Variants in GOLM2 observed in about 807,000 individuals in gnomAD.
The protein encoded by GOLM2 is protein GOLM2.
A neutral mutation model predicts 55.9 loss-of-function variants in GOLM2; 26 were observed. The ratio of observed to expected loss-of-function variants is 0.47; its 90% confidence interval spans 0.34 to 0.65. The LOEUF (loss-of-function observed/expected upper bound fraction) is 0.65, where lower values mean the gene tolerates loss of function less well. Among genes scored for constraint, GOLM2 ranks in the 30% least tolerant of loss-of-function variants. The pLI is 0.01. For missense variants in GOLM2, 486 were observed against 531.8 expected (o/e 0.91, Z 0.85); for synonymous variants, 165 against 194.6 (o/e 0.85, Z 1.27).
chr15:44,328,468 AC>A (rs2078999379), intron 2 of GOLM2, among the ~76,000 whole-genome samples: 1 of 152,214 alleles, frequency 6.6e-6, no homozygotes, highest in South Asian at 2.1e-4. Context: ...ACAGAGCAAG[AC>A]CCTATCTCAA....
At chr15:44,291,432 A>G (rs988454254) in intron 1 of GOLM2, among the ~76,000 whole-genome samples, 2 of 152,178 alleles carry the variant, frequency 1.3e-5, no homozygotes, top group Non-Finnish European at 2.9e-5. Flanking sequence ...CAAATTATTG[A>G]TGGTCTACAA....
intron 6 of GOLM2, among the ~76,000 whole-genome samples, chr15:44,339,216 A>G (rs903349716): frequency 6.6e-6 from 1 of 152,214 alleles, no homozygotes; most frequent in African/African-American, 2.4e-5. Flanking sequence ...TTTCCAATTC[A>G]TAGTGATTTC....
intron 6 of GOLM2, among the ~76,000 whole-genome samples, chr15:44,368,484 TTC>T (rs1450466556): frequency 3.9e-5 from 6 of 151,938 alleles, no homozygotes; most frequent in African/African-American, 1.4e-4. Flanking sequence ...GTAATACCTT[TTC>T]TCCTTCAGTT....
chr15:44,312,746 G>A (rs1225613760), intron 1 of GOLM2, among the ~76,000 whole-genome samples: 3 of 151,984 alleles, frequency 2.0e-5, no homozygotes, highest in Admixed American at 6.6e-5. Flanking sequence ...AGGAGTTCGA[G>A]ACCAGCCTGG....
At chr15:44,373,285 G>A (rs1386647038) in intron 6 of GOLM2, among the ~76,000 whole-genome samples, 1 of 151,750 alleles carries the variant, frequency 6.6e-6, no homozygotes, top group Non-Finnish European at 1.5e-5. Flanking sequence ...GTGAAACCCC[G>A]TCTCTACTAA....
intron 6 of GOLM2, among the ~76,000 whole-genome samples, chr15:44,356,504 A>T (rs2079199176): frequency 6.6e-6 from 1 of 152,208 alleles, no homozygotes; most frequent in Non-Finnish European, 1.5e-5. Context: ...TCCTTGATAG[A>T]CACAGTCTGC....
rs2079574775 is a variant in GOLM2 at position 44,402,906 on chromosome 15, T to G, written c.1092T>G (p.Asn364Lys). The G allele has an allele frequency of 6.2e-7, 1 of 1,613,876 alleles. No homozygotes were observed. The highest frequency in any genetic ancestry group is 1.3e-5 in the African/African-American group (1 of 74,884). Residue 364 changes from asparagine to lysine, a missense_variant, in exon 9 of 10, where the codon AAT becomes AAG. By Grantham distance (94) the Asn-to-Lys change is moderately conservative. Coordinates refer to ENST00000299957, the MANE Select transcript of GOLM2 (RefSeq NM_138423.4). Reference protein sequence around the residue: ...KLKQSRFFDENESPVDPQHGS... With the variant: ...KLKQSRFFDEKESPVDPQHGS... ...TCACAGGCCGATTCTTTGATGAAAA[T>G]GAATCCCCTGTTGATCCGCAGCATG...
intron 6 of GOLM2, among the ~76,000 whole-genome samples, chr15:44,339,641 T>A (rs908778098): frequency 1.3e-5 from 2 of 151,844 alleles, no homozygotes; most frequent in African/African-American, 4.8e-5. Context: ...CCCGGCCTCT[T>A]TTTAAAATTT....
chr15:44,299,985 A>T (rs1290546788), intron 1 of GOLM2, among the ~76,000 whole-genome samples: 3 of 150,274 alleles, frequency 2.0e-5, no homozygotes, highest in African/African-American at 7.3e-5. Flanking sequence ...CCATAGTCTT[A>T]ATTGCTTGGG....
At chr15:44,319,269 A>G (rs1369617335) in intron 1 of GOLM2, among the ~76,000 whole-genome samples, 2 of 152,154 alleles carry the variant, frequency 1.3e-5, no homozygotes, top group Admixed American at 6.6e-5. Flanking sequence ...ACTGAAGTGC[A>G]GTGGCTTGAT....
At chr15:44,298,240 A>C (rs2078771572) in intron 1 of GOLM2, among the ~76,000 whole-genome samples, 1 of 151,040 alleles carries the variant, frequency 6.6e-6, no homozygotes, top group Non-Finnish European at 1.5e-5. Context: ...CTGACCTGGA[A>C]TATGCTTTTC....
chr15:44,362,553 A>C (rs1216969309), intron 6 of GOLM2, among the ~76,000 whole-genome samples: 3 of 152,150 alleles, frequency 2.0e-5, no homozygotes, highest in African/African-American at 4.8e-5. Flanking sequence ...GGATACAAAG[A>C]AATGGAAGAA....
At chr15:44,366,170 G>A (rs1201439697) in intron 6 of GOLM2, among the ~76,000 whole-genome samples, 3 of 151,862 alleles carry the variant, frequency 2.0e-5, no homozygotes, top group Non-Finnish European at 2.9e-5. Context: ...GGTGGCGGGC[G>A]CCTGTAGTCC....
At chr15:44,296,549 A>G (rs2078758044) in intron 1 of GOLM2, among the ~76,000 whole-genome samples, 1 of 152,238 alleles carries the variant, frequency 6.6e-6, no homozygotes, top group African/African-American at 2.4e-5. Flanking sequence ...TTTGGAATAT[A>G]ATAGTAGTCT....
Position 44,410,040 on chromosome 15 carries a change from T to C in GOLM2, c.1241-3296T>C, listed in dbSNP as rs139052470. Among the ~76,000 whole-genome samples the C allele has an allele frequency of 1.9e-3, 295 of 152,304 alleles. 1 individual carries two copies. Among genetic ancestry groups the C allele is most frequent in the African/African-American group, 6.7e-3 (280 of 41,572 alleles). On this transcript the variant is annotated intron_variant, in intron 9 of 9. Coordinates refer to ENST00000299957, the MANE Select transcript of GOLM2 (RefSeq NM_138423.4). Reference sequence around the variant, plus strand: ...AAGTCTTATCTTAATTTAATCATTATATTAAAGTCCTAAAAGATGTGTTTA... The same window carrying C: ...AAGTCTTATCTTAATTTAATCATTACATTAAAGTCCTAAAAGATGTGTTTA...
chr15:44,370,088 G>C (rs1255262271), intron 6 of GOLM2, among the ~76,000 whole-genome samples: 1 of 152,082 alleles, frequency 6.6e-6, no homozygotes, highest in Non-Finnish European at 1.5e-5. Flanking sequence ...TCGTTTTTCT[G>C]CCTGTTTTAT....
At chr15:44,301,371 T>C (rs2078796178) in intron 1 of GOLM2, among the ~76,000 whole-genome samples, 1 of 152,252 alleles carries the variant, frequency 6.6e-6, no homozygotes, top group Non-Finnish European at 1.5e-5. Flanking sequence ...TCCTATCATT[T>C]TCCCACTCAA....
intron 6 of GOLM2, among the ~76,000 whole-genome samples, chr15:44,350,861 TGAA>T (rs2079156976): frequency 6.6e-6 from 1 of 152,184 alleles, no homozygotes; most frequent in Admixed American, 6.5e-5. Flanking sequence ...ATCAACAGAA[TGAA>T]GGACAGAAAC....
At chr15:44,294,207 C>T (rs903285288) in intron 1 of GOLM2, among the ~76,000 whole-genome samples, 7 of 152,262 alleles carry the variant, frequency 4.6e-5, no homozygotes, top group South Asian at 2.1e-4. Context: ...CCTATCTATA[C>T]GTTTCCTACT....
Sources: allele counts gnomAD v4.1 joint callset (sites outside exome capture counted in the v4.1 genomes callset), GRCh38; gene constraint gnomAD v4.1.1; transcripts MANE v1.5; gene names NCBI Gene and HGNC (gene_info 2026-07-23, HGNC 2026-07-21).